DLG2: variants seen among roughly 807,000 people sequenced by gnomAD.
The protein encoded by DLG2 is disks large homolog 2.
Under a neutral mutation model 132.5 loss-of-function variants are expected in DLG2, and 45 were observed. The ratio of observed to expected loss-of-function variants is 0.34; its 90% CI spans 0.27 to 0.44. DLG2 has a LOEUF of 0.44. Among genes scored for constraint, DLG2 ranks in the 20% least tolerant of loss-of-function variants. The pLI, the probability that DLG2 is intolerant of heterozygous loss-of-function variation, is 1.00. For missense variants in DLG2, 1,045 were observed against 1,196.9 expected (o/e 0.87, Z 1.87); for synonymous variants, 424 against 419.6 (o/e 1.01, Z -0.13).
At chr11:83,573,555 CA>C (rs1255254177) in intron 19 of DLG2, among the ~76,000 whole-genome samples, 1 of 152,074 alleles carries the variant, frequency 6.6e-6, no homozygotes, top group Non-Finnish European at 1.5e-5. Context: ...CAGAAAAACA[CA>C]AAAATCATTA....
intron 3 of DLG2, among the ~76,000 whole-genome samples, chr11:85,595,016 T>C (rs1284040222): frequency 7.3e-6 from 1 of 137,898 alleles, no homozygotes; most frequent in Non-Finnish European, 1.5e-5. Context: ...AGTGAGCCGA[T>C]ATCGCACCAC....
At chr11:85,208,224 A>C (rs2082030895) in intron 4 of DLG2, among the ~76,000 whole-genome samples, 1 of 152,132 alleles carries the variant, frequency 6.6e-6, no homozygotes, top group African/African-American at 2.4e-5. Context: ...TGGAAGCTAG[A>C]CTCTGACTCC....
At chr11:85,111,297 A>T (rs2072699382) in intron 6 of DLG2, among the ~76,000 whole-genome samples, 1 of 152,162 alleles carries the variant, frequency 6.6e-6, no homozygotes, top group Non-Finnish European at 1.5e-5. Flanking sequence ...CAGTTGACAC[A>T]GTGACAAAAG....
intron 2 of DLG2, among the ~76,000 whole-genome samples, chr11:85,607,903 C>A (rs1290492742): frequency 1.3e-5 from 2 of 152,122 alleles, no homozygotes; most frequent in Non-Finnish European, 2.9e-5. Flanking sequence ...GGTAAAATCC[C>A]AATACTAACA....
intron 5 of DLG2, among the ~76,000 whole-genome samples, chr11:85,122,975 T>TATATATATA (rs57980898): frequency 2.0e-5 from 1 of 49,956 alleles, no homozygotes; most frequent in Non-Finnish European, 3.5e-5. Context: ...ATATATTTTT[T>TATATATATA]TTTTTTTTTT....
chr11:85,360,424 T>C (rs895911651), intron 3 of DLG2, among the ~76,000 whole-genome samples: 1 of 152,206 alleles, frequency 6.6e-6, no homozygotes, highest in African/African-American at 2.4e-5. Flanking sequence ...CCTAGCACAA[T>C]GTTCTGTAAG....
intron 8 of DLG2, among the ~76,000 whole-genome samples, chr11:84,213,795 G>C (rs1302208861): frequency 2.0e-5 from 3 of 148,358 alleles, no homozygotes; most frequent in Non-Finnish European, 4.5e-5. Context: ...CTCCAGCCTG[G>C]GTGACAGAGC....
intron 12 of DLG2, among the ~76,000 whole-genome samples, chr11:83,977,847 A>C (rs1300592446): frequency 2.0e-5 from 3 of 152,190 alleles, no homozygotes; most frequent in African/African-American, 7.2e-5. Flanking sequence ...TTCTACTTTT[A>C]ATACATACTT....
At chr11:84,288,094 A>G (rs183187852) in intron 7 of DLG2, among the ~76,000 whole-genome samples, 4 of 152,188 alleles carry the variant, frequency 2.6e-5, no homozygotes, top group African/African-American at 9.6e-5. Context: ...ACTTCACTAA[A>G]TTGATATCAT....
At chr11:83,600,909 A>G (rs2058432974) in intron 19 of DLG2, among the ~76,000 whole-genome samples, 1 of 152,202 alleles carries the variant, frequency 6.6e-6, no homozygotes, top group Admixed American at 6.5e-5. Flanking sequence ...CAGTGGGAAG[A>G]ATGCCGAGTG....
At chr11:84,914,775 A>G (rs1175540694) in intron 6 of DLG2, among the ~76,000 whole-genome samples, 3 of 152,246 alleles carry the variant, frequency 2.0e-5, no homozygotes. Context: ...GGCCCGGAAC[A>G]AGGCTCTAAA....
intron 7 of DLG2, among the ~76,000 whole-genome samples, chr11:84,387,093 CTGAG>C (rs2098773701): frequency 6.6e-6 from 1 of 151,984 alleles, no homozygotes; most frequent in Admixed American, 6.6e-5. Context: ...CCTTGCTCTT[CTGAG>C]TAAGAAGTGG....
intron 8 of DLG2, among the ~76,000 whole-genome samples, chr11:84,242,405 T>A (rs1021953880): frequency 6.6e-6 from 1 of 151,956 alleles, no homozygotes; most frequent in Non-Finnish European, 1.5e-5. Context: ...CCAATCTAAA[T>A]AGAACTTTTT....
At chr11:83,756,491 C>A (rs1315360864) in intron 18 of DLG2, among the ~76,000 whole-genome samples, 1 of 151,440 alleles carries the variant, frequency 6.6e-6, no homozygotes, top group Non-Finnish European at 1.5e-5. Context: ...AGTTTCAAGT[C>A]CTGGCTCTAA....
intron 19 of DLG2, among the ~76,000 whole-genome samples, chr11:83,587,295 G>C (rs2097102227): frequency 6.6e-6 from 1 of 151,450 alleles, no homozygotes; most frequent in South Asian, 2.1e-4. Context: ...ATTTGAGACA[G>C]GGTCTTGCTC....
chr11:84,159,058 C>T (rs2095490849), intron 9 of DLG2, among the ~76,000 whole-genome samples: 2 of 152,134 alleles, frequency 1.3e-5, no homozygotes, highest in Non-Finnish European at 2.9e-5. Context: ...AGTGCTAGAG[C>T]CAGAATTCAA....
chr11:85,583,130 G>GTATGTATATATATATATA (rs2078715565), intron 3 of DLG2, among the ~76,000 whole-genome samples: 2 of 13,598 alleles, frequency 1.5e-4, no homozygotes, highest in African/African-American at 4.1e-4. Context: ...GTGTGTGTGT[G>GTATGTATATATATATATA]TATATATATA....
chr11:84,283,437 G>A (rs1310429733), intron 7 of DLG2, among the ~76,000 whole-genome samples: 1 of 152,190 alleles, frequency 6.6e-6, no homozygotes, highest in Non-Finnish European at 1.5e-5. Context: ...CTGGCACATA[G>A]TAAGCACTAT....
intron 8 of DLG2, among the ~76,000 whole-genome samples, chr11:84,238,005 C>T (rs143736442): frequency 0.013 from 1,831 of 136,850 alleles, 34 homozygotes; most frequent in African/African-American, 0.048. Context: ...GATCACACCA[C>T]TGCACTCCAG....
Sources: gnomAD v4.1 joint callset for allele counts (sites outside exome capture counted in the v4.1 genomes callset) on GRCh38, gnomAD v4.1.1 for gene constraint, MANE v1.5 for transcripts, NCBI Gene and HGNC (gene_info 2026-07-23, HGNC 2026-07-21) for gene names.